Variants in ZNF385D observed in about 807,000 individuals in gnomAD.
ZNF385D encodes the protein zinc finger protein 385D.
ZNF385D carries 15 observed loss-of-function variants against 35.8 expected under a neutral mutation model. The observed-to-expected ratio is 0.42, with a 90% CI of 0.28 to 0.64. ZNF385D has a LOEUF of 0.64. Among genes scored for constraint, ZNF385D ranks in the 30% least tolerant of loss-of-function variants. The pLI is 0.23. For missense variants in ZNF385D, 474 were observed against 494.6 expected (o/e 0.96, Z 0.39); for synonymous variants, 212 against 186.8 (o/e 1.13, Z -1.10).
At chr3:21,909,405 G>C (rs760007108) in intron 3 of ZNF385D, among the ~76,000 whole-genome samples, 1 of 152,054 alleles carries the variant, frequency 6.6e-6, no homozygotes, top group Non-Finnish European at 1.5e-5. Context: ...AACCAAGAGA[G>C]ACCAAATATG....
At chr3:22,198,617 G>A (rs1559446509) in intron 2 of ZNF385D, among the ~76,000 whole-genome samples, 1 of 151,990 alleles carries the variant, frequency 6.6e-6, no homozygotes. Flanking sequence ...AAATCTTTCA[G>A]ACCTTTAATT....
intron 3 of ZNF385D, among the ~76,000 whole-genome samples, chr3:21,890,773 GATGGGAA>G (rs1698812259): frequency 6.6e-6 from 1 of 152,180 alleles, no homozygotes; most frequent in South Asian, 2.1e-4. Context: ...AAGAATTGCT[GATGGGAA>G]GGGGTAATAA....
intron 3 of ZNF385D, among the ~76,000 whole-genome samples, chr3:22,050,702 T>C (rs985888187): frequency 2.0e-5 from 3 of 152,220 alleles, no homozygotes; most frequent in South Asian, 2.1e-4. Flanking sequence ...AATGAGTTAA[T>C]TTCTCCGATT....
rs539285048 is a variant in ZNF385D, at chr3:22,015,741, G to A, written c.325+153076C>T. Among the ~76,000 whole-genome samples the A allele has an allele frequency of 2.6e-5, 4 of 152,152 alleles. No individual in the cohort carries two copies. The South Asian group carries it at 8.3e-4, about 31-fold the overall frequency. ...TTTACTACCATAGTATGTTCTTTCA[G>A]CATTACCTCTTCTAATTGCTCTCCA... On this transcript the variant is annotated intron_variant, in intron 3 of 5. Coordinates refer to the ZNF385D transcript ENST00000494108.
chr3:21,989,374 ATTCTCCAAATTACGTAGGAATACAG>A (rs1173073128), intron 3 of ZNF385D, among the ~76,000 whole-genome samples: 25 of 152,326 alleles, frequency 1.6e-4, no homozygotes, highest in Non-Finnish European at 2.5e-4. Context: ...CAAATTTGCC[ATTCTCCAAATTACGTAGGAATACAG>A]TTATGATTTT....
intron 2 of ZNF385D, among the ~76,000 whole-genome samples, chr3:21,636,414 A>AT (rs56114816): frequency 0.095 from 6,079 of 64,290 alleles, 675 homozygotes; most frequent in African/African-American, 0.14. Flanking sequence ...ATATATATAT[A>AT]GAGTTTCTTA....
rs542745948 is a variant in ZNF385D at position 21,915,327 on chromosome 3, G to T, written c.326-250299C>A. On this transcript the variant is annotated intron_variant, in intron 3 of 5. Coordinates refer to the ZNF385D transcript ENST00000494108. Reference sequence around the variant, plus strand: ...TTGGGTTGAGTTTATTTTTCTTTAAGATTAGTATTATTATTATTGCAGGTA... The same window carrying T: ...TTGGGTTGAGTTTATTTTTCTTTAATATTAGTATTATTATTATTGCAGGTA... Among the ~76,000 whole-genome samples the T allele has an allele frequency of 7.0e-4, 107 of 152,124 alleles. 1 individual carries two copies. Among genetic ancestry groups the T allele is most frequent in the Non-Finnish European group, 8.7e-4 (59 of 67,956 alleles).
intron 2 of ZNF385D, among the ~76,000 whole-genome samples, chr3:21,645,687 C>T (rs2065729194): frequency 6.6e-6 from 1 of 152,156 alleles, no homozygotes. Context: ...GTCACCATGG[C>T]TCGCTGTCAG....
At chr3:21,987,992 G>T (rs968088536) in intron 3 of ZNF385D, among the ~76,000 whole-genome samples, 25 of 146,206 alleles carry the variant, frequency 1.7e-4, no homozygotes, top group African/African-American at 6.2e-4. Flanking sequence ...TCTTCACGTA[G>T]TTCTCGAGCC....
chr3:22,311,398 T>C (rs1400797372), intron 2 of ZNF385D, among the ~76,000 whole-genome samples: 1 of 152,090 alleles, frequency 6.6e-6, no homozygotes, highest in Non-Finnish European at 1.5e-5. Context: ...ATATTTCCAG[T>C]ATTCTACTAC....
chr3:21,547,671 C>T, intron 3 of ZNF385D, among the ~76,000 whole-genome samples: 1 of 151,116 alleles, frequency 6.6e-6, no homozygotes, highest in Admixed American at 6.6e-5. Context: ...GGCTGGAGTG[C>T]AGTGGCATGA....
chr3:21,439,256 G>A (rs1275583457), intron 4 of ZNF385D, among the ~76,000 whole-genome samples: 4 of 141,006 alleles, frequency 2.8e-5, no homozygotes, highest in African/African-American at 5.3e-5. Flanking sequence ...TTGTGAGCCC[G>A]AGCCAAGCAT....
intron 2 of ZNF385D, among the ~76,000 whole-genome samples, chr3:21,610,182 A>C (rs2064626387): frequency 6.6e-6 from 1 of 152,104 alleles, no homozygotes; most frequent in African/African-American, 2.4e-5. Context: ...ATGCATAAAC[A>C]TAGAAATATA....
intron 3 of ZNF385D, among the ~76,000 whole-genome samples, chr3:21,803,449 A>T (rs1180418244): frequency 6.6e-6 from 1 of 152,214 alleles, no homozygotes; most frequent in Admixed American, 6.5e-5. Context: ...CAAAGTTTTA[A>T]ATAACTGCAA....
intron 3 of ZNF385D, among the ~76,000 whole-genome samples, chr3:21,841,333 T>C (rs1695660301): frequency 6.6e-6 from 1 of 152,058 alleles, no homozygotes; most frequent in Non-Finnish European, 1.5e-5. Context: ...TACTACAGTG[T>C]TGCTATAAAT....
At chr3:22,215,204 C>G (rs932303013) in intron 2 of ZNF385D, among the ~76,000 whole-genome samples, 1 of 151,940 alleles carries the variant, frequency 6.6e-6, no homozygotes, top group Non-Finnish European at 1.5e-5. Context: ...ATTGTTCGTA[C>G]AGCATGCGTG....
chr3:22,035,764 A>C (rs1014626486), intron 3 of ZNF385D, among the ~76,000 whole-genome samples: 4 of 152,198 alleles, frequency 2.6e-5, no homozygotes, highest in African/African-American at 9.6e-5. Context: ...GTTCATTCTA[A>C]GATGCAGAAT....
At chr3:21,555,852 C>A (rs956656523) in intron 3 of ZNF385D, among the ~76,000 whole-genome samples, 1 of 152,146 alleles carries the variant, frequency 6.6e-6, no homozygotes, top group African/African-American at 2.4e-5. Flanking sequence ...ATTCCTATTT[C>A]TCTACATCCT....
At chr3:21,608,301 G>T (rs901711661) in intron 2 of ZNF385D, among the ~76,000 whole-genome samples, 1 of 151,916 alleles carries the variant, frequency 6.6e-6, no homozygotes, top group African/African-American at 2.4e-5. Context: ...GAGCCACTGC[G>T]CCCAGCCCTA....
Sources: gnomAD v4.1 joint callset for allele counts (sites outside exome capture counted in the v4.1 genomes callset) on GRCh38, gnomAD v4.1.1 for gene constraint, MANE v1.5 for transcripts, NCBI Gene and HGNC (gene_info 2026-07-23, HGNC 2026-07-21) for gene names.